LARP4: variants seen among roughly 807,000 people sequenced by gnomAD.
LARP4 encodes la-related protein 4.
LARP4 carries 29 observed loss-of-function variants against 92.9 expected under a neutral mutation model. The observed-to-expected ratio is 0.31, with a 90% CI of 0.23 to 0.43. The LOEUF (loss-of-function observed/expected upper bound fraction) is 0.43. LARP4 is among the 20% of genes least tolerant of loss of function. The pLI, the probability that LARP4 is intolerant of heterozygous loss-of-function variation, is 1.00. For synonymous variants in LARP4, 279 were observed against 284.1 expected (o/e 0.98, Z 0.18); for missense variants, 732 against 860.0 (o/e 0.85, Z 1.86).
At chr12:50,429,143 C>G in intron 3 of LARP4, 53 bp downstream of exon 3, 3 of 1,300,582 alleles carry the variant, frequency 2.3e-6, no homozygotes, top group South Asian at 1.3e-5. Flanking sequence ...GGACACCCCC[C>G]ACCCATGGTC....
chr12:50,468,185 G>A (rs893780592), intron 13 of LARP4, among the ~76,000 whole-genome samples: 26 of 152,174 alleles, frequency 1.7e-4, no homozygotes, highest in East Asian at 5.8e-4. Flanking sequence ...TCTCCATGTT[G>A]GCCAGGCTGG....
intron 1 of LARP4, among the ~76,000 whole-genome samples, chr12:50,411,982 C>T (rs1160091224): frequency 6.6e-6 from 1 of 152,150 alleles, no homozygotes; most frequent in Admixed American, 6.5e-5. Flanking sequence ...TGTGCCCAGC[C>T]CCTAGACTCC....
chr12:50,423,455 G>A (rs1948190210), intron 1 of LARP4, among the ~76,000 whole-genome samples: 1 of 151,948 alleles, frequency 6.6e-6, no homozygotes, highest in African/African-American at 2.4e-5. Flanking sequence ...TCTATGCAGT[G>A]TTTTCTTTTT....
chr12:50,475,081 C>T (rs181414969), intron 15 of LARP4, among the ~76,000 whole-genome samples: 299 of 152,242 alleles, frequency 2.0e-3, no homozygotes, highest in Non-Finnish European at 3.8e-3. Flanking sequence ...CTCACAATAC[C>T]TCTATTCCAC....
At chr12:50,441,737 C>T in intron 8 of LARP4, 94 bp downstream of exon 8, 2 of 1,064,340 alleles carry the variant, frequency 1.9e-6, no homozygotes, top group East Asian at 2.5e-5. Flanking sequence ...TATAAAAACC[C>T]ATAGTGACTT....
At chr12:50,411,887 C>G (rs1007071825) in intron 1 of LARP4, among the ~76,000 whole-genome samples, 2 of 151,324 alleles carry the variant, frequency 1.3e-5, no homozygotes, top group Non-Finnish European at 2.9e-5. Context: ...TTCACCTTGT[C>G]GGCCAGGCTG....
rs988930174 is a variant in LARP4, at chr12:50,453,538, A to G, written c.883A>G (p.Ile295Val). The G allele has an allele frequency of 2.5e-6, 4 of 1,613,240 alleles. No homozygotes were observed. In the African/African-American group the frequency reaches 5.3e-5, roughly 22 times the overall value. Reference sequence around the variant, plus strand: ...GGATTCTAGTATCTATAGTCACCCCATTCAAACTCAAGCACAGTATGCCTC... The same window carrying G: ...GGATTCTAGTATCTATAGTCACCCCGTTCAAACTCAAGCACAGTATGCCTC... ...LMDSSIYSHPIQTQAQYASPV... is the reference protein window; with the variant it reads ...LMDSSIYSHPVQTQAQYASPV... Residue 295 changes from isoleucine (I) to valine (V), a missense_variant, in exon 9 of 16, where the codon ATT becomes GTT. Ile to Val is a conservative substitution (Grantham distance 29). Around this residue, in one of 7 missense-constraint regions of LARP4, gnomAD observed 264 missense variants for 269.5 expected, o/e 0.98. Transcript: ENST00000398473.
chr12:50,455,495 G>A (rs1954056022), intron 10 of LARP4, among the ~76,000 whole-genome samples: 1 of 152,112 alleles, frequency 6.6e-6, no homozygotes, highest in Admixed American at 6.6e-5. Flanking sequence ...TTTCCTAATG[G>A]TTTATTTTCA....
chr12:50,464,615 A>G (rs1325679941), intron 12 of LARP4, among the ~76,000 whole-genome samples: 2 of 151,928 alleles, frequency 1.3e-5, no homozygotes, highest in Non-Finnish European at 2.9e-5. Flanking sequence ...CTGGTCTCGA[A>G]CTCCTGACCT....
Position 50,464,248 on chromosome 12 carries a change from T to A in LARP4, c.1383+1618T>A, listed in dbSNP as rs141672471. The stretch of plus-strand genomic sequence containing the variant: ...CTGTACAGGAAGCATGATGCAGGCA[T>A]CTGCCCAGCTTCTGGGGAGGCCTTG... On this transcript the variant is annotated intron_variant, in intron 12 of 15. Coordinates refer to ENST00000398473, the MANE Select transcript of LARP4 (RefSeq NM_052879.5). Among the ~76,000 whole-genome samples the A allele has an allele frequency of 3.2e-4, 49 of 152,370 alleles. 1 individual carries two copies. Among genetic ancestry groups the A allele is most frequent in the Admixed American group, 1.4e-3 (21 of 15,302 alleles).
At chr12:50,474,289 T>C (rs1957300198) in intron 15 of LARP4, 122 bp downstream of exon 15, 2 of 716,594 alleles carry the variant, frequency 2.8e-6, no homozygotes, top group Admixed American at 2.7e-5. Flanking sequence ...GGGCTGACTA[T>C]CAGAAAGAAG....
intron 1 of LARP4, among the ~76,000 whole-genome samples, chr12:50,405,387 T>C (rs1178113775): frequency 6.6e-6 from 1 of 152,206 alleles, no homozygotes; most frequent in African/African-American, 2.4e-5. Flanking sequence ...ACTTAAAACT[T>C]GTGAGCCCTA....
chr12:50,449,400 A>G (rs148450149), intron 8 of LARP4, among the ~76,000 whole-genome samples: 44 of 152,272 alleles, frequency 2.9e-4, no homozygotes, highest in African/African-American at 9.4e-4. Flanking sequence ...GCAGTTTAAC[A>G]TGATTCTCTG....
At chr12:50,441,524 T>A in intron 7 of LARP4, 66 bp from the exon 8 acceptor site, 1 of 1,173,422 alleles carries the variant, frequency 8.5e-7, no homozygotes, top group Admixed American at 2.2e-5. Flanking sequence ...ACTCTCAACA[T>A]AATAAAGATA....
intron 2 of LARP4, 82 bp downstream of exon 2, chr12:50,427,991 C>CAA: frequency 7.3e-6 from 3 of 413,446 alleles, no homozygotes; most frequent in Non-Finnish European, 1.1e-5. Flanking sequence ...TGAGACACAT[C>CAA]TCTTTTTTTT....
At chr12:50,432,884 C>CTGGCAG (rs1334860144) in intron 4 of LARP4, among the ~76,000 whole-genome samples, 1 of 136,590 alleles carries the variant, frequency 7.3e-6, no homozygotes, top group Non-Finnish European at 1.6e-5. Flanking sequence ...AAAAGAAAAG[C>CTGGCAG]TGGCAGTGTC....
chr12:50,432,223 T>C (rs988615543), intron 4 of LARP4, among the ~76,000 whole-genome samples: 8 of 152,254 alleles, frequency 5.3e-5, no homozygotes, highest in Admixed American at 1.3e-4. Flanking sequence ...CTTGTAAATT[T>C]TGATTTTATG....
At chr12:50,436,052 TGTGTGTGTGTGTGTG>T (rs1285143583) in intron 5 of LARP4, among the ~76,000 whole-genome samples, 1 of 280 alleles carries the variant, frequency 3.6e-3, no homozygotes, top group Non-Finnish European at 0.011. Flanking sequence ...TTACTGACTC[TGTGTGTGTGTGTGTG>T]TGTGTGTGTG....
At chr12:50,417,406 ACTTATACGTT>A (rs1302028343) in intron 1 of LARP4, among the ~76,000 whole-genome samples, 1 of 151,886 alleles carries the variant, frequency 6.6e-6, no homozygotes, top group Non-Finnish European at 1.5e-5. Context: ...GAAAATTGCT[ACTTATACGTT>A]CTTAAATAAT....
Sources: gnomAD v4.1 joint callset for allele counts (sites outside exome capture counted in the v4.1 genomes callset) on GRCh38, gnomAD v4.1.1 for gene constraint, gnomAD v4.1.1 regional missense constraint, MANE v1.5 for transcripts, NCBI Gene and HGNC (gene_info 2026-07-23, HGNC 2026-07-21) for gene names.